Variants in SMYD3 observed in about 807,000 individuals in gnomAD.
SMYD3 encodes the protein SET and MYND domain containing 3, also known as histone-lysine N-methyltransferase SMYD3.
SMYD3 carries 36 observed loss-of-function variants against 57.7 expected under a neutral mutation model. The ratio of observed to expected loss-of-function variants is 0.62; its 90% CI spans 0.48 to 0.82. The LOEUF (loss-of-function observed/expected upper bound fraction) is 0.82. Ranked by LOEUF, SMYD3 falls within the 40% of genes least tolerant of loss-of-function variation. SMYD3 has a pLI of 0.00. For synonymous variants in SMYD3, 211 were observed against 195.0 expected (o/e 1.08, Z -0.68); for missense variants, 515 against 538.8 (o/e 0.96, Z 0.44).
At chr1:245,936,149 T>G (rs2056969418) in intron 5 of SMYD3, among the ~76,000 whole-genome samples, 1 of 152,208 alleles carries the variant, frequency 6.6e-6, no homozygotes, top group Non-Finnish European at 1.5e-5. Flanking sequence ...TATACAATTG[T>G]TATTCGTTAA....
chr1:246,045,696 C>T (rs1172659281), intron 5 of SMYD3, among the ~76,000 whole-genome samples: 11 of 152,112 alleles, frequency 7.2e-5, no homozygotes, highest in Non-Finnish European at 1.5e-4. Context: ...GAACAGGCAA[C>T]CTACAGAATG....
At chr1:246,362,492 G>A (rs973796711) in intron 1 of SMYD3, among the ~76,000 whole-genome samples, 2 of 150,082 alleles carry the variant, frequency 1.3e-5, no homozygotes, top group Non-Finnish European at 3.0e-5. Context: ...CTCTTTCCAC[G>A]GTCTCCCTCT....
chr1:246,393,698 A>AT (rs1232011355), intron 1 of SMYD3, among the ~76,000 whole-genome samples: 2 of 149,840 alleles, frequency 1.3e-5, no homozygotes, highest in African/African-American at 5.0e-5. Context: ...AAAAAAAAAA[A>AT]AAATTTAATT....
At chr1:246,246,927 TTAAAA>T (rs2063713935) in intron 5 of SMYD3, among the ~76,000 whole-genome samples, 1 of 151,844 alleles carries the variant, frequency 6.6e-6, no homozygotes, top group African/African-American at 2.4e-5. Flanking sequence ...ATTCAGATAA[TTAAAA>T]TGTTTTTTAA....
chr1:245,958,006 CA>C (rs1345551933), intron 5 of SMYD3, among the ~76,000 whole-genome samples: 1 of 151,792 alleles, frequency 6.6e-6, no homozygotes, highest in South Asian at 2.1e-4. Flanking sequence ...TGTAATTATT[CA>C]GAGACTTTGA....
At chr1:246,110,179 G>T (rs34338862) in intron 5 of SMYD3, among the ~76,000 whole-genome samples, 24,872 of 152,136 alleles carry the variant, frequency 0.16, 3,624 homozygotes, top group African/African-American at 0.39. Flanking sequence ...TGAGTAAGGG[G>T]TGCACATCTA....
chr1:246,020,716 T>C (rs1250746068), intron 5 of SMYD3, among the ~76,000 whole-genome samples: 1 of 152,200 alleles, frequency 6.6e-6, no homozygotes, highest in East Asian at 1.9e-4. Context: ...ATCATAATAA[T>C]CAGTCGCATT....
chr1:245,759,477 G>A (rs1279950777), intron 11 of SMYD3, among the ~76,000 whole-genome samples: 1 of 152,100 alleles, frequency 6.6e-6, no homozygotes, highest in Non-Finnish European at 1.5e-5. Context: ...ACTTTTCTCT[G>A]GTTAGTCAGT....
At chr1:246,012,698 T>C (rs1460871399) in intron 5 of SMYD3, among the ~76,000 whole-genome samples, 3 of 152,068 alleles carry the variant, frequency 2.0e-5, no homozygotes, top group Non-Finnish European at 4.4e-5. Flanking sequence ...AGGCATCATT[T>C]CCCTTGAGGA....
At chr1:246,230,056 C>T (rs894833408) in intron 5 of SMYD3, among the ~76,000 whole-genome samples, 3 of 152,134 alleles carry the variant, frequency 2.0e-5, no homozygotes, top group Non-Finnish European at 2.9e-5. Context: ...CACATGACAA[C>T]GTTTAATATC....
At chr1:245,826,190 T>C (rs1463358175) in intron 10 of SMYD3, among the ~76,000 whole-genome samples, 1 of 151,818 alleles carries the variant, frequency 6.6e-6, no homozygotes, top group Admixed American at 6.6e-5. Flanking sequence ...CTATACCCAT[T>C]GAACAATTCC....
chr1:245,938,279 G>A (rs967692361), intron 5 of SMYD3, among the ~76,000 whole-genome samples: 1 of 152,120 alleles, frequency 6.6e-6, no homozygotes, highest in Non-Finnish European at 1.5e-5. Flanking sequence ...GGTATTTTGG[G>A]GACTAGTGCG....
At chr1:246,107,975 T>C (rs2061161006) in intron 5 of SMYD3, among the ~76,000 whole-genome samples, 1 of 152,234 alleles carries the variant, frequency 6.6e-6, no homozygotes, top group African/African-American at 2.4e-5. Context: ...ATAGGAACTT[T>C]ACTGAGTTGT....
At chr1:246,240,645 G>C (rs1373959592) in intron 5 of SMYD3, among the ~76,000 whole-genome samples, 1 of 152,164 alleles carries the variant, frequency 6.6e-6, no homozygotes, top group Non-Finnish European at 1.5e-5. Context: ...TTGGTAGCTT[G>C]ATGGCAATAG....
At chr1:246,473,719 A>G (rs1456880826) in intron 1 of SMYD3, among the ~76,000 whole-genome samples, 1 of 152,234 alleles carries the variant, frequency 6.6e-6, no homozygotes, top group Admixed American at 6.5e-5. Context: ...AAGAGGCGGA[A>G]CACATATGCC....
At chr1:246,030,058 C>A (rs535828833) in intron 5 of SMYD3, among the ~76,000 whole-genome samples, 52 of 151,168 alleles carry the variant, frequency 3.4e-4, no homozygotes, top group African/African-American at 1.2e-3. Context: ...ATACGCACAC[C>A]CCCAATGCGT....
chr1:245,806,908 C>G (rs1309636556), intron 10 of SMYD3, among the ~76,000 whole-genome samples: 7 of 95,394 alleles, frequency 7.3e-5, no homozygotes, highest in Admixed American at 1.7e-4. Context: ...CAGAGCGAGA[C>G]TCCGTCTCAA....
intron 5 of SMYD3, among the ~76,000 whole-genome samples, chr1:246,064,952 C>T (rs138416346): frequency 6.6e-6 from 1 of 152,372 alleles, no homozygotes; most frequent in Non-Finnish European, 1.5e-5. Flanking sequence ...TTGGTTTCGA[C>T]TTACCTTCCC....
chr1:246,153,192 T>C (rs944788607), intron 5 of SMYD3, among the ~76,000 whole-genome samples: 2 of 152,138 alleles, frequency 1.3e-5, no homozygotes, highest in African/African-American at 4.8e-5. Flanking sequence ...ACAGCCCTGC[T>C]ACCAACTTCC....
Sources: gnomAD v4.1 joint callset for allele counts (sites outside exome capture counted in the v4.1 genomes callset) on GRCh38, gnomAD v4.1.1 for gene constraint, MANE v1.5 for transcripts, NCBI Gene and HGNC (gene_info 2026-07-23, HGNC 2026-07-21) for gene names.